Variants in PCLO observed in about 807,000 individuals in gnomAD.
PCLO encodes protein piccolo.
A neutral mutation model predicts 427.5 loss-of-function variants in PCLO; 82 were observed. The observed-to-expected ratio is 0.19, with a 90% CI of 0.16 to 0.23. The LOEUF is 0.23. PCLO is among the 10% of genes least tolerant of loss of function. The pLI is 1.00. For missense variants in PCLO, 6,239 were observed against 6,115.9 expected (o/e 1.02, Z -0.67); for synonymous variants, 2,357 against 2,155.4 (o/e 1.09, Z -2.59).
intron 3 of PCLO, among the ~76,000 whole-genome samples, chr7:83,007,693 T>C (rs1787982611): frequency 6.6e-6 from 1 of 151,588 alleles, no homozygotes; most frequent in Non-Finnish European, 1.5e-5. Context: ...TGTGGGTTTG[T>C]AGAGTCAGAC....
chr7:82,975,294 A>C (rs537068009), intron 3 of PCLO, among the ~76,000 whole-genome samples: 47 of 152,312 alleles, frequency 3.1e-4, no homozygotes, highest in African/African-American at 9.4e-4. Flanking sequence ...TGCATTTGGA[A>C]GACAGATCAT....
chr7:82,848,319 T>G (rs1792559933), intron 10 of PCLO, among the ~76,000 whole-genome samples: 1 of 145,566 alleles, frequency 6.9e-6, no homozygotes, highest in Admixed American at 6.9e-5. Context: ...TTTTTTTTTT[T>G]TTTTTTTTTT....
chr7:82,870,823 G>T (rs183107504), intron 10 of PCLO, among the ~76,000 whole-genome samples: 552 of 151,984 alleles, frequency 3.6e-3, no homozygotes, highest in Admixed American at 8.7e-3. Context: ...CATACAAATG[G>T]CCAACAGATA....
intron 16 of PCLO, among the ~76,000 whole-genome samples, chr7:82,831,753 T>A (rs372661189): frequency 1.3e-5 from 2 of 152,168 alleles, no homozygotes; most frequent in South Asian, 2.1e-4. Flanking sequence ...AAAAACAGCT[T>A]GCTCCTAAAC....
At chr7:82,940,110 A>C (rs1290534233) in intron 6 of PCLO, among the ~76,000 whole-genome samples, 1 of 152,174 alleles carries the variant, frequency 6.6e-6, no homozygotes, top group African/African-American at 2.4e-5. Flanking sequence ...GGATGTATAA[A>C]TGAATGGCCG....
intron 3 of PCLO, among the ~76,000 whole-genome samples, chr7:82,986,841 G>A (rs1030002637): frequency 5.3e-5 from 8 of 151,818 alleles, no homozygotes; most frequent in African/African-American, 1.9e-4. Context: ...AATTATTGAT[G>A]ACCCAGGAAT....
chr7:82,888,851 G>T (rs1793688695), intron 9 of PCLO, among the ~76,000 whole-genome samples: 1 of 152,080 alleles, frequency 6.6e-6, no homozygotes, highest in African/African-American at 2.4e-5. Flanking sequence ...GAAAGAAACA[G>T]AGCTAATTGT....
At position 82,949,468 on chromosome 7, in the gene PCLO, A is replaced by T; in HGVS notation, c.11112+8T>A. 1 of 1,546,424 alleles carries T rather than the reference A, an allele frequency of 6.5e-7. No individual in the cohort carries two copies. The highest frequency in any genetic ancestry group is 8.7e-7 in the Non-Finnish European group (1 of 1,147,786). ...CATTGCCTTCCAACTGAAAAGAATC[A>T]CTCTTACCGTATAGCCCTCGGTATA... On this transcript the variant is annotated splice_region_variant and intron_variant, in intron 6 of 24. Coordinates refer to ENST00000333891, the MANE Select transcript of PCLO (RefSeq NM_033026.6).
intron 10 of PCLO, among the ~76,000 whole-genome samples, chr7:82,869,218 T>C (rs1435376969): frequency 1.3e-5 from 2 of 152,144 alleles, no homozygotes; most frequent in African/African-American, 4.8e-5. Flanking sequence ...GGAGATATAA[T>C]ATTGGCATAA....
intron 10 of PCLO, among the ~76,000 whole-genome samples, chr7:82,871,840 G>A (rs1793245627): frequency 6.6e-6 from 1 of 151,724 alleles, no homozygotes; most frequent in Non-Finnish European, 1.5e-5. Context: ...CAAAAGTCCT[G>A]TTAAAGTTTC....
chr7:83,009,630 A>G (rs1788030141), intron 3 of PCLO, among the ~76,000 whole-genome samples: 1 of 151,902 alleles, frequency 6.6e-6, no homozygotes, highest in South Asian at 2.1e-4. Flanking sequence ...GCTCGTATCA[A>G]ATTGAATGAC....
chr7:83,079,112 A>G (rs1444285171), intron 3 of PCLO, among the ~76,000 whole-genome samples: 1 of 152,106 alleles, frequency 6.6e-6, no homozygotes, highest in Non-Finnish European at 1.5e-5. Context: ...TAATTTTGCT[A>G]TCAGAGCCAT....
intron 3 of PCLO, among the ~76,000 whole-genome samples, chr7:83,084,472 C>A (rs1790180526): frequency 6.6e-6 from 1 of 152,018 alleles, no homozygotes; most frequent in Non-Finnish European, 1.5e-5. Context: ...ATGTCTCATT[C>A]TGCCTATATA....
intron 3 of PCLO, among the ~76,000 whole-genome samples, chr7:83,123,993 G>A (rs1187487594): frequency 7.3e-6 from 1 of 136,354 alleles, no homozygotes; most frequent in African/African-American, 2.7e-5. Flanking sequence ...CAAAAGGTCT[G>A]AATAAGCATC....
chr7:82,777,523 C>T (rs1276144623), intron 22 of PCLO, among the ~76,000 whole-genome samples: 1 of 152,138 alleles, frequency 6.6e-6, no homozygotes, highest in African/African-American at 2.4e-5. Flanking sequence ...GCTATAGTAA[C>T]CAAAACAGCA....
chr7:83,064,207 A>G (rs1163237155), intron 3 of PCLO, among the ~76,000 whole-genome samples: 1 of 152,048 alleles, frequency 6.6e-6, no homozygotes, highest in Non-Finnish European at 1.5e-5. Flanking sequence ...TAAATATACC[A>G]TAAGAGAGCT....
At chr7:82,880,462 T>G (rs1030548777) in intron 9 of PCLO, 1 of 371,950 alleles carries the variant, frequency 2.7e-6, no homozygotes, top group Admixed American at 2.7e-5. Flanking sequence ...CAAGCTGGTC[T>G]CAAACTCCTA....
intron 3 of PCLO, among the ~76,000 whole-genome samples, chr7:83,060,470 C>T (rs1362192246): frequency 6.6e-6 from 1 of 152,192 alleles, no homozygotes; most frequent in East Asian, 1.9e-4. Context: ...GCTCATAGGG[C>T]TGTCCCTCTG....
chr7:83,118,887 T>G lies in PCLO; in HGVS notation c.3300+15363A>C, dbSNP rs181720935. On this transcript the variant is annotated intron_variant, in intron 3 of 24. Transcript: ENST00000333891. The stretch of plus-strand genomic sequence containing the variant: ...AATGAGACACCATCTGGGGGAAACA[T>G]GGGAATGTTTATATCACCTCTTTCC... Among the ~76,000 whole-genome samples the G allele has an allele frequency of 1.6e-4, 24 of 152,136 alleles. No homozygotes were observed. In the East Asian group the frequency reaches 4.7e-3, roughly 30 times the overall value.
Sources: allele counts gnomAD v4.1 joint callset (sites outside exome capture counted in the v4.1 genomes callset), GRCh38; gene constraint gnomAD v4.1.1; transcripts MANE v1.5; gene names NCBI Gene and HGNC (gene_info 2026-07-23, HGNC 2026-07-21).